CDH2: variants seen among roughly 807,000 people sequenced by gnomAD.
CDH2 encodes the protein cadherin-2.
In CDH2, 17 loss-of-function variants were observed where a neutral mutation model predicts 92.0. The observed-to-expected ratio is 0.18, with a 90% CI of 0.13 to 0.28. The LOEUF (loss-of-function observed/expected upper bound fraction) is 0.28. CDH2 is among the 10% of genes least tolerant of loss of function. The pLI is 1.00. For missense variants in CDH2, 862 were observed against 1,133.1 expected, an observed-to-expected ratio of 0.76 and a Z score of 3.44; for synonymous variants, 419 against 415.9, an observed-to-expected ratio of 1.01 and a Z score of -0.09.
At chr18:28,171,671 T>G (rs1276431903) in intron 1 of CDH2, among the ~76,000 whole-genome samples, 1 of 152,170 alleles carries the variant, frequency 6.6e-6, no homozygotes, top group East Asian at 1.9e-4. Context: ...TTCTTACATT[T>G]TCGGCTGAAA....
chr18:27,932,957 C>T (rs1908935541), exon 7 of CDH2, among the ~76,000 whole-genome samples: 1 of 152,124 alleles, frequency 6.6e-6, no homozygotes, highest in South Asian at 2.1e-4. Flanking sequence ...CATAGGTTCA[C>T]ATGTAGTTGT....
At chr18:28,120,059 CTTGT>C (rs1391790675) in intron 2 of CDH2, among the ~76,000 whole-genome samples, 3 of 152,058 alleles carry the variant, frequency 2.0e-5, no homozygotes. Flanking sequence ...AAACGTCTTC[CTTGT>C]TTAAGTTATT....
chr18:28,119,238 T>C (rs559276435), intron 2 of CDH2, among the ~76,000 whole-genome samples: 24 of 152,270 alleles, frequency 1.6e-4, no homozygotes, highest in Admixed American at 5.2e-4. Context: ...TTCATAGGCA[T>C]GTAAACATAA....
At chr18:27,999,720 GTGTT>G (rs1425253297) in intron 7 of CDH2, among the ~76,000 whole-genome samples, 2 of 151,532 alleles carry the variant, frequency 1.3e-5, no homozygotes, top group African/African-American at 4.8e-5. Context: ...ATATGTGTGT[GTGTT>G]TGTGTATATA....
At chr18:28,173,177 T>G (rs1436126067) in intron 1 of CDH2, among the ~76,000 whole-genome samples, 1 of 152,142 alleles carries the variant, frequency 6.6e-6, no homozygotes, top group Non-Finnish European at 1.5e-5. Flanking sequence ...AGGGCAGACT[T>G]TGATGAAAGT....
intron 2 of CDH2, among the ~76,000 whole-genome samples, chr18:28,086,870 T>A (rs1486648213): frequency 6.6e-6 from 1 of 152,196 alleles, no homozygotes. Context: ...AGCATTTGAA[T>A]GTCCAAAATA....
At chr18:27,956,841 A>G (rs1006264205) in intron 15 of CDH2, among the ~76,000 whole-genome samples, 18 of 152,344 alleles carry the variant, frequency 1.2e-4, no homozygotes, top group African/African-American at 3.6e-4. Context: ...GAAAATAACA[A>G]GAAGTACACA....
chr18:27,988,685 GTTTAA>G lies in CDH2; in HGVS notation c.1599-24_1599-20del, dbSNP rs775762546. 1.2e-5 allele frequency: 19 copies of G among 1,555,040 alleles called. No individual in the cohort carries two copies. The highest frequency in any genetic ancestry group is 1.8e-5 in the Admixed American group (1 of 57,002). On this transcript the variant is annotated intron_variant, in intron 10 of 15. Transcript: ENST00000269141. ...AGTGTATCTACAAAATGAAAGTGAA[GTTTAA>G]TTTCTTTTTATGAAACTTTAAAAAA...
intron 2 of CDH2, among the ~76,000 whole-genome samples, chr18:28,050,446 T>C (rs2014168316): frequency 6.6e-6 from 1 of 151,844 alleles, no homozygotes; most frequent in African/African-American, 2.4e-5. Context: ...TCACTTTCTA[T>C]TCATTTCATT....
At chr18:28,047,301 C>T (rs1257832850) in intron 2 of CDH2, among the ~76,000 whole-genome samples, 1 of 152,134 alleles carries the variant, frequency 6.6e-6, no homozygotes. Context: ...ATATTCAAGG[C>T]TAAGCAAGAA....
At chr18:28,141,134 A>G (rs981195329) in intron 2 of CDH2, among the ~76,000 whole-genome samples, 1 of 151,868 alleles carries the variant, frequency 6.6e-6, no homozygotes, top group Non-Finnish European at 1.5e-5. Context: ...TCAAAAAGTT[A>G]AAGAAAAAAT....
intron 2 of CDH2, among the ~76,000 whole-genome samples, chr18:28,073,966 T>C (rs186959771): frequency 1.1e-4 from 16 of 152,284 alleles, no homozygotes; most frequent in Non-Finnish European, 1.8e-4. Context: ...ATTTACATTG[T>C]ATTAATATCA....
chr18:27,962,787 A>ATATC (rs2143885933), intron 15 of CDH2, among the ~76,000 whole-genome samples: 1 of 152,360 alleles, frequency 6.6e-6, no homozygotes, highest in East Asian at 1.9e-4. Flanking sequence ...AGTGAAAATC[A>ATATC]TATCTGTTAT....
intron 2 of CDH2, among the ~76,000 whole-genome samples, chr18:28,105,746 T>C (rs1024884436): frequency 4.6e-5 from 7 of 152,314 alleles, no homozygotes; most frequent in East Asian, 3.9e-4. Flanking sequence ...CATCAATGTA[T>C]AGTTCTTAAT....
chr18:28,012,605 T>C (rs1224189680), intron 3 of CDH2, among the ~76,000 whole-genome samples: 2 of 152,212 alleles, frequency 1.3e-5, no homozygotes, highest in Non-Finnish European at 2.9e-5. Context: ...ATTTTAGCCA[T>C]TAGCCCTTGC....
At chr18:28,124,669 T>C (rs2015647696) in intron 2 of CDH2, among the ~76,000 whole-genome samples, 1 of 152,188 alleles carries the variant, frequency 6.6e-6, no homozygotes, top group African/African-American at 2.4e-5. Context: ...ATTCAACCAC[T>C]GCATTAATTT....
intron 2 of CDH2, among the ~76,000 whole-genome samples, chr18:28,064,129 T>C (rs1567984262): frequency 7.3e-6 from 1 of 136,622 alleles, no homozygotes; most frequent in Non-Finnish European, 1.6e-5. Flanking sequence ...TATGAATTCC[T>C]CAAAAGAGGG....
At chr18:28,113,700 C>T (rs1289500448) in intron 2 of CDH2, among the ~76,000 whole-genome samples, 2 of 151,776 alleles carry the variant, frequency 1.3e-5, no homozygotes, top group Non-Finnish European at 2.9e-5. Flanking sequence ...ATAAAATACA[C>T]ATAGTTTAAA....
At chr18:28,015,716 A>C (rs1324771665) in intron 2 of CDH2, among the ~76,000 whole-genome samples, 1 of 152,082 alleles carries the variant, frequency 6.6e-6, no homozygotes, top group Non-Finnish European at 1.5e-5. Context: ...TCATCCATAA[A>C]CACCTGGACT....
Sources: allele counts gnomAD v4.1 joint callset (sites outside exome capture counted in the v4.1 genomes callset), GRCh38; gene constraint gnomAD v4.1.1; transcripts MANE v1.5; gene names NCBI Gene and HGNC (gene_info 2026-07-23, HGNC 2026-07-21).